The following ATAD2 variants were observed in gnomAD, a reference collection of about 807,000 sequenced individuals.
ATAD2 encodes the protein ATPase family AAA domain-containing protein 2.
In ATAD2, 62 loss-of-function variants were observed where a neutral mutation model predicts 168.9. That is an observed-to-expected ratio of 0.37 (90% CI 0.30 to 0.45). The LOEUF (loss-of-function observed/expected upper bound fraction) is 0.45, where lower values mean the gene tolerates loss of function less well. ATAD2 is among the 20% of genes least tolerant of loss of function. The pLI, the probability that ATAD2 is intolerant of heterozygous loss-of-function variation, is 1.00. For missense variants in ATAD2, 1,419 were observed against 1,667.8 expected, an observed-to-expected ratio of 0.85 and a Z score of 2.60; for synonymous variants, 613 against 571.6, an observed-to-expected ratio of 1.07 and a Z score of -1.03.
At chr8:123,379,890 A>T (rs13256032) in intron 2 of ATAD2, among the ~76,000 whole-genome samples, 41,110 of 128,598 alleles carry the variant, frequency 0.32, 6,809 homozygotes, top group Non-Finnish European at 0.37. Context: ...TATTATTATT[A>T]TTTTTTTTTT....
At chr8:123,370,100 A>T in intron 6 of ATAD2, 76 bp from the exon 7 acceptor site, 1 of 1,329,080 alleles carries the variant, frequency 7.5e-7, no homozygotes, top group Non-Finnish European at 1.0e-6. Flanking sequence ...GTGAGTTGGG[A>T]GAGAAAGATC....
chr8:123,396,459 C>T, upstream of ATAD2: 1 of 1,292,894 alleles, frequency 7.7e-7, no homozygotes, highest in Non-Finnish European at 1.0e-6. Context: ...GCGCCACAAG[C>T]TCCGCGCCAG....
intron 1 of ATAD2, among the ~76,000 whole-genome samples, chr8:123,406,545 G>A (rs1813070257): frequency 1.3e-5 from 2 of 151,650 alleles, no homozygotes; most frequent in Non-Finnish European, 2.9e-5. Flanking sequence ...CTGGAGCCGG[G>A]TGTGGTGGCT....
chr8:123,329,187 C>T (rs1827702132), intron 24 of ATAD2, among the ~76,000 whole-genome samples: 1 of 152,112 alleles, frequency 6.6e-6, no homozygotes, highest in African/African-American at 2.4e-5. Flanking sequence ...ATCACTTTGG[C>T]AGCAGTATGA....
At chr8:123,401,562 T>A in intron 1 of ATAD2, 1 of 1,495,364 alleles carries the variant, frequency 6.7e-7, no homozygotes, top group Non-Finnish European at 9.2e-7. Flanking sequence ...CGGCTCCCTC[T>A]GCATCACCCA....
At position 123,380,645 on chromosome 8, in the gene ATAD2, G is replaced by A. The variant is rs1212549708; in HGVS notation, c.204C>T (p.Tyr68=). ...AAGATCTTAAAGCACGTGTCCGGTGGTAGGTTTCAACTTCCTTAACTGATG... is the reference window on the plus strand; with the variant it reads ...AAGATCTTAAAGCACGTGTCCGGTGATAGGTTTCAACTTCCTTAACTGATG... ...DGSSVKEVET[Y]HRTRALRSLR... is the part of the protein sequence containing the mutation. The change falls in exon 2 of 28, where the codon TAC becomes TAT. Residue 68 remains tyrosine, a synonymous_variant. Coordinates refer to ENST00000287394, the MANE Select transcript of ATAD2 (RefSeq NM_014109.4). 6.2e-7 allele frequency: 1 copy of A among 1,613,972 alleles called. No homozygotes were observed. Among genetic ancestry groups the A allele is most frequent in the South Asian group, 1.1e-5 (1 of 91,074 alleles).
intron 1 of ATAD2, among the ~76,000 whole-genome samples, chr8:123,409,993 T>A (rs1229048876): frequency 2.0e-5 from 3 of 151,360 alleles, no homozygotes; most frequent in Non-Finnish European, 4.4e-5. Flanking sequence ...AAAAAAGCTT[T>A]AAAAAAAACC....
intron 21 of ATAD2, among the ~76,000 whole-genome samples, chr8:123,337,078 G>C (rs1827939066): frequency 6.6e-6 from 1 of 151,240 alleles, no homozygotes; most frequent in Admixed American, 6.6e-5. Context: ...AAAAAAAAGG[G>C]GGGGCCGAGC....
intron 23 of ATAD2, 89 bp from the exon 24 acceptor site, chr8:123,334,110 G>C (rs756890458): frequency 3.9e-6 from 6 of 1,554,588 alleles, no homozygotes; most frequent in Non-Finnish European, 5.2e-6. Context: ...TACATCTGAA[G>C]CATCCTTTTC....
rs200759924 is a variant in ATAD2 at position 123,379,917 on chromosome 8, G to A, written c.320+612C>T. ...TTTTTTTTTTTTGAGACTGAGTTTC[G>A]CTCTTGTTGTCCAGGCTGGAATGCA... On this transcript the variant is annotated intron_variant, in intron 2 of 27. Coordinates refer to ENST00000287394, the MANE Select transcript of ATAD2 (RefSeq NM_014109.4). 3.0e-5 allele frequency among the ~76,000 whole-genome samples: 4 copies of A among 134,100 alleles called. No homozygotes were observed. In the East Asian group the frequency reaches 6.7e-4, roughly 22 times the overall value. The allele number at this position is 134,100 out of a possible 152,430, so 88.0% of individuals were successfully genotyped here. A position where few individuals can be genotyped will look rare whatever the true frequency, so the allele number is the denominator to read the frequency against.
chr8:123,369,960 A>T lies in ATAD2; in HGVS notation c.792T>A (p.Asp264Glu), dbSNP rs149848860. The T allele has an allele frequency of 1.7e-4, 270 of 1,561,276 alleles. 1 individual carries two copies. The highest frequency in any genetic ancestry group is 2.3e-4 in the Non-Finnish European group (259 of 1,134,942). ...CATCATCATCGTCATCATCATCATC[A>T]TCTTCATCATCTTCATCTTCACCAT... is the stretch of plus-strand genomic sequence containing the variant. ...EDDGEDEDDE[D>E]DDDDDDDDDD... Residue 264 changes from aspartate to glutamate, a missense_variant, in exon 7 of 28, where the codon GAT becomes GAA. Around this residue, in one of 5 missense-constraint regions of ATAD2, gnomAD observed 419 missense variants for 423.5 expected, o/e 0.99. Coordinates refer to ENST00000287394, the MANE Select transcript of ATAD2 (RefSeq NM_014109.4).
At chr8:123,389,595 G>A (rs1452019537) in intron 1 of ATAD2, among the ~76,000 whole-genome samples, 18 of 151,368 alleles carry the variant, frequency 1.2e-4, no homozygotes, top group South Asian at 2.1e-4. Flanking sequence ...AGCCCAGATC[G>A]CGCCACTGCA....
At chr8:123,338,054 C>CAT (rs34181384) in intron 20 of ATAD2, among the ~76,000 whole-genome samples, 21,696 of 152,094 alleles carry the variant, frequency 0.14, 4,354 homozygotes, top group African/African-American at 0.45. Flanking sequence ...ACCTCTGTTC[C>CAT]TTTAAGATAA....
At chr8:123,368,387 C>T (rs911551004) in intron 8 of ATAD2, among the ~76,000 whole-genome samples, 2 of 152,144 alleles carry the variant, frequency 1.3e-5, no homozygotes, top group South Asian at 2.1e-4. Flanking sequence ...CACTGCACTC[C>T]GGCCTGGGGA....
At chr8:123,360,838 G>C (rs1310853713) in intron 9 of ATAD2, among the ~76,000 whole-genome samples, 1 of 151,454 alleles carries the variant, frequency 6.6e-6, no homozygotes, top group East Asian at 1.9e-4. Context: ...AATCAAATAA[G>C]CTGGTTAGTA....
chr8:123,351,748 GTTT>G (rs987980082), intron 13 of ATAD2, among the ~76,000 whole-genome samples: 1 of 134,672 alleles, frequency 7.4e-6, no homozygotes, highest in African/African-American at 2.7e-5. Context: ...AAAAACTGAT[GTTT>G]TTTTTTTTTT....
chr8:123,357,708 T>C lies in ATAD2; in HGVS notation c.1411A>G (p.Thr471Ala). ...GCTCTGGCAACCAGAGTCTTTCCAG[T>C]TCCAGGTGGCCCATAAAACAAACAA... is the stretch of plus-strand genomic sequence containing the variant. The part of the protein sequence containing the change: ...RGCLFYGPPG[T>A]GKTLVARALA... The change falls in exon 12 of 28, where the codon ACT becomes GCT. Residue 471 changes from threonine (T) to alanine (A), a missense_variant. By Grantham distance (58) the Thr-to-Ala change is moderately conservative. Coordinates refer to ENST00000287394, the MANE Select transcript of ATAD2 (RefSeq NM_014109.4). 6.2e-7 allele frequency: 1 copy of C among 1,610,362 alleles called. No individual in the cohort carries two copies. The highest frequency in any genetic ancestry group is 8.5e-7 in the Non-Finnish European group (1 of 1,178,710).
chr8:123,392,899 C>A (rs576162277), intron 1 of ATAD2, among the ~76,000 whole-genome samples: 6 of 152,286 alleles, frequency 3.9e-5, no homozygotes, highest in African/African-American at 1.4e-4. Context: ...AGATTCACTG[C>A]ATTTGCTGGG....
At position 123,347,451 on chromosome 8, in the gene ATAD2, A is replaced by G. The variant is rs377004708; in HGVS notation, c.1898-45T>C. Reference sequence around the variant, plus strand: ...GAAGAAAAGAACCAGCCGACCAAACAAAGAAACACAAAACTCTATTAGCAT... The same window carrying G: ...GAAGAAAAGAACCAGCCGACCAAACGAAGAAACACAAAACTCTATTAGCAT... On this transcript the variant is annotated intron_variant, in intron 15 of 27. Coordinates refer to ENST00000287394, the MANE Select transcript of ATAD2 (RefSeq NM_014109.4). The G allele has an allele frequency of 2.4e-3, 3,557 of 1,494,090 alleles. 4 individuals carry two copies. Among genetic ancestry groups the G allele is most frequent in the Non-Finnish European group, 2.9e-3 (3,246 of 1,111,044 alleles). The allele number at this position is 1,494,090 out of a possible 1,614,324, so 92.6% of individuals were successfully genotyped here.
Sources: allele counts gnomAD v4.1 joint callset (sites outside exome capture counted in the v4.1 genomes callset), GRCh38; gene constraint gnomAD v4.1.1; regional missense constraint gnomAD v4.1.1; transcripts MANE v1.5; gene names NCBI Gene and HGNC (gene_info 2026-07-23, HGNC 2026-07-21).